Variants in SERPINI1 observed in about 807,000 individuals in gnomAD.
SERPINI1 encodes the protein serpin family I member 1, also known as neuroserpin.
Under a neutral mutation model 41.1 loss-of-function variants are expected in SERPINI1, and 19 were observed. The observed-to-expected ratio is 0.46, with a 90% confidence interval of 0.32 to 0.68. SERPINI1 has a LOEUF of 0.68. SERPINI1 is among the 30% of genes least tolerant of loss of function. SERPINI1 has a pLI of 0.03. For missense variants in SERPINI1, 460 were observed against 479.2 expected, an observed-to-expected ratio of 0.96 and a Z score of 0.37; for synonymous variants, 138 against 156.6, an observed-to-expected ratio of 0.88 and a Z score of 0.89.
In SERPINI1 at chr3:167,803,282, TAAAA is replaced by T. The variant is rs1459443445; in HGVS notation, c.882-3960_882-3957del. 1.7e-4 allele frequency among the ~76,000 whole-genome samples: 16 copies of T among 93,866 alleles called. No homozygotes were observed. In the East Asian group the frequency reaches 3.1e-3, roughly 18 times the overall value. The allele number at this position is 93,866 out of a possible 152,430, so 61.6% of individuals were successfully genotyped here. On this transcript the variant is annotated intron_variant, in intron 5 of 8. Coordinates refer to ENST00000446050, the MANE Select transcript of SERPINI1 (RefSeq NM_001122752.2). The stretch of plus-strand genomic sequence containing the variant: ...CCCAAAACTTAAAGTATAATAATAA[TAAAA>T]ATAAATAAATAAATAAATAAATAAA...
intron 1 of SERPINI1, among the ~76,000 whole-genome samples, chr3:167,765,333 T>C (rs1726526623): frequency 6.6e-6 from 1 of 152,248 alleles, no homozygotes; most frequent in Admixed American, 6.5e-5. Context: ...TTGACTTCTG[T>C]GCACTCACAG....
intron 1 of SERPINI1, among the ~76,000 whole-genome samples, chr3:167,747,236 G>A (rs182195196): frequency 8.6e-4 from 131 of 152,244 alleles, no homozygotes; most frequent in Middle Eastern, 3.4e-3. Context: ...TACTAGTAAG[G>A]GACAAAGGGG....
intron 7 of SERPINI1, 53 bp from the exon 8 acceptor site, chr3:167,824,420 C>A: frequency 7.5e-7 from 1 of 1,328,588 alleles, no homozygotes; most frequent in South Asian, 1.2e-5. Context: ...AGGAATTACT[C>A]ATTAGTCTCT....
chr3:167,807,383 G>C, intron 6 of SERPINI1, 42 bp downstream of exon 6: 2 of 1,250,792 alleles, frequency 1.6e-6, no homozygotes, highest in Non-Finnish European at 2.3e-6. Context: ...TATTCCATAA[G>C]AGCTTTATTA....
intron 1 of SERPINI1, among the ~76,000 whole-genome samples, chr3:167,780,197 G>T (rs1387506383): frequency 6.6e-6 from 1 of 152,080 alleles, no homozygotes. Flanking sequence ...TCATGCATAT[G>T]ACTTGATACT....
intron 5 of SERPINI1, among the ~76,000 whole-genome samples, chr3:167,797,930 A>ATTT (rs1014055125): frequency 6.6e-6 from 1 of 152,016 alleles, no homozygotes; most frequent in African/African-American, 2.4e-5. Context: ...TTAATTTTGT[A>ATTT]TTTTTTCTTG....
intron 1 of SERPINI1, among the ~76,000 whole-genome samples, chr3:167,755,518 G>T (rs1726165690): frequency 6.6e-6 from 1 of 152,158 alleles, no homozygotes; most frequent in South Asian, 2.1e-4. Flanking sequence ...GTTATTTTAG[G>T]TTAAGCAATT....
intron 1 of SERPINI1, among the ~76,000 whole-genome samples, chr3:167,787,363 T>A (rs1467380452): frequency 6.6e-6 from 1 of 152,254 alleles, no homozygotes; most frequent in Non-Finnish European, 1.5e-5. Flanking sequence ...GTATTGTGTA[T>A]TGTATGTAAT....
intron 5 of SERPINI1, among the ~76,000 whole-genome samples, chr3:167,804,416 C>T (rs1361699262): frequency 2.0e-5 from 3 of 152,104 alleles, no homozygotes; most frequent in Non-Finnish European, 4.4e-5. Flanking sequence ...AACCTATTGC[C>T]TTAAATTTTA....
intron 1 of SERPINI1, among the ~76,000 whole-genome samples, chr3:167,788,410 T>A (rs1727383081): frequency 6.6e-6 from 1 of 152,204 alleles, no homozygotes; most frequent in Non-Finnish European, 1.5e-5. Flanking sequence ...AACATAAGCC[T>A]GAATATAAAT....
intron 1 of SERPINI1, among the ~76,000 whole-genome samples, chr3:167,736,667 C>T (rs1214681452): frequency 6.6e-6 from 1 of 152,012 alleles, no homozygotes; most frequent in Non-Finnish European, 1.5e-5. Context: ...ATAGTGGGTT[C>T]AGTTTAAAAC....
intron 1 of SERPINI1, among the ~76,000 whole-genome samples, chr3:167,771,377 A>G (rs1398383397): frequency 6.6e-6 from 1 of 152,220 alleles, no homozygotes; most frequent in Non-Finnish European, 1.5e-5. Flanking sequence ...AGTATCCAAC[A>G]TATGCTGTTA....
intron 1 of SERPINI1, among the ~76,000 whole-genome samples, chr3:167,744,868 A>AAT (rs1367351626): frequency 8.3e-5 from 11 of 132,568 alleles, no homozygotes; most frequent in African/African-American, 1.1e-4. Context: ...TATATATATA[A>AAT]ATATATATAT....
chr3:167,749,428 C>T (rs1323606453), intron 1 of SERPINI1, among the ~76,000 whole-genome samples: 1 of 152,210 alleles, frequency 6.6e-6, no homozygotes, highest in Admixed American at 6.5e-5. Context: ...ATTAACCATA[C>T]ATGACAAGCT....
At chr3:167,805,781 C>T (rs35182841) in intron 5 of SERPINI1, among the ~76,000 whole-genome samples, 18,151 of 152,066 alleles carry the variant, frequency 0.12, 1,458 homozygotes, top group Non-Finnish European at 0.17. Flanking sequence ...TTCGCAGCAC[C>T]ATTTATTAAA....
intron 5 of SERPINI1, among the ~76,000 whole-genome samples, chr3:167,805,874 G>A (rs1001816513): frequency 3.3e-5 from 5 of 151,998 alleles, no homozygotes; most frequent in African/African-American, 1.2e-4. Flanking sequence ...TATTTCTGAG[G>A]TCTCTGTTCT....
intron 1 of SERPINI1, 58 bp from the exon 2 acceptor site, chr3:167,789,053 C>T: frequency 6.5e-7 from 1 of 1,538,434 alleles, no homozygotes; most frequent in Non-Finnish European, 8.9e-7. Context: ...CATATCCTTC[C>T]ATGAGACTTT....
At chr3:167,818,847 T>G (rs910907630) in intron 6 of SERPINI1, among the ~76,000 whole-genome samples, 2 of 152,214 alleles carry the variant, frequency 1.3e-5, no homozygotes, top group African/African-American at 4.8e-5. Context: ...TGGTCAAGCC[T>G]CATAGCTATT....
chr3:167,768,518 A>T (rs9859639), intron 1 of SERPINI1, among the ~76,000 whole-genome samples: 45,896 of 152,088 alleles, frequency 0.3, 7,159 homozygotes, highest in African/African-American at 0.33. Flanking sequence ...AGACTGAAAA[A>T]TCTGACTTGT....
Sources: allele counts gnomAD v4.1 joint callset (sites outside exome capture counted in the v4.1 genomes callset), GRCh38; gene constraint gnomAD v4.1.1; transcripts MANE v1.5; gene names NCBI Gene and HGNC (gene_info 2026-07-23, HGNC 2026-07-21).